OIP5: variants seen among roughly 807,000 people sequenced by gnomAD.
OIP5 encodes protein Mis18-beta.
Under a neutral mutation model 20.3 loss-of-function variants are expected in OIP5, and 24 were observed. The observed-to-expected ratio is 1.18, with a 90% CI of 0.86 to 1.66. The LOEUF is 1.66. OIP5 is among the 40% of genes most tolerant of loss of function. The pLI is 0.00. For missense variants in OIP5, 339 were observed against 289.5 expected (o/e 1.17, Z -1.24); for synonymous variants, 143 against 121.3 (o/e 1.18, Z -1.17).
chr15:41,328,279 A>T (rs1365176694), intron 2 of OIP5, among the ~76,000 whole-genome samples: 1 of 152,154 alleles, frequency 6.6e-6, no homozygotes, highest in Non-Finnish European at 1.5e-5. Context: ...TTGGCCTCCA[A>T]AAGTGTTGGG....
intron 2 of OIP5, among the ~76,000 whole-genome samples, chr15:41,329,063 CAAAAAAAAAAAAAAA>C (rs1166517767): frequency 1.4e-4 from 7 of 50,368 alleles, no homozygotes; most frequent in Admixed American, 6.1e-4. Context: ...GACTCCATCT[CAAAAAAAAAAAAAAA>C]AAAAAAAAAA....
intron 2 of OIP5, among the ~76,000 whole-genome samples, chr15:41,327,603 C>T (rs2047870101): frequency 6.6e-6 from 1 of 151,884 alleles, no homozygotes; most frequent in Admixed American, 6.6e-5. Flanking sequence ...TCCTGGCCAA[C>T]ATGGTGAAAC....
intron 2 of OIP5, among the ~76,000 whole-genome samples, chr15:41,323,233 G>A (rs1388498209): frequency 6.6e-6 from 1 of 152,140 alleles, no homozygotes; most frequent in East Asian, 1.9e-4. Flanking sequence ...GCTCACGCTT[G>A]TAATCCCAGC....
intron 3 of OIP5, among the ~76,000 whole-genome samples, chr15:41,314,310 G>A (rs926784744): frequency 1.2e-4 from 19 of 152,056 alleles, no homozygotes; most frequent in African/African-American, 4.3e-4. Flanking sequence ...CCATGTTGGC[G>A]AGGCTGGTCT....
At position 41,311,975 on chromosome 15, in the gene OIP5, C is replaced by A. The variant is rs113300368; in HGVS notation, c.594+1298G>T. On this transcript the variant is annotated intron_variant, in intron 4 of 4. Coordinates refer to ENST00000220514, the MANE Select transcript of OIP5 (RefSeq NM_007280.2). ...GTTCAAGCGATTCTCCTGCCTCAGCCTCCCGAAAAGCTGGGATTATAGGCA... is the reference window on the plus strand; with the variant it reads ...GTTCAAGCGATTCTCCTGCCTCAGCATCCCGAAAAGCTGGGATTATAGGCA... Among the ~76,000 whole-genome samples the A allele has an allele frequency of 1.4e-5, 2 of 142,518 alleles. 1 individual carries two copies. Among genetic ancestry groups the A allele is most frequent in the African/African-American group, 4.9e-5 (2 of 40,824 alleles). 93.5% of individuals were successfully genotyped at this position (142,518 alleles called of 152,430 possible).
At chr15:41,326,740 A>G (rs915407489) in intron 2 of OIP5, among the ~76,000 whole-genome samples, 4 of 152,088 alleles carry the variant, frequency 2.6e-5, no homozygotes, top group Admixed American at 6.6e-5. Flanking sequence ...GTTTTTAACA[A>G]TCTTACCACA....
intron 3 of OIP5, 29 bp downstream of exon 3, chr15:41,319,629 T>C: frequency 1.3e-6 from 2 of 1,575,702 alleles, no homozygotes; most frequent in Non-Finnish European, 1.7e-6. Flanking sequence ...ATAAAATGTA[T>C]TTGATGATCA....
intron 3 of OIP5, among the ~76,000 whole-genome samples, chr15:41,313,854 G>C (rs2047774006): frequency 6.6e-6 from 1 of 152,078 alleles, no homozygotes. Flanking sequence ...TGGAACCACA[G>C]ATACTGAAGG....
chr15:41,317,968 C>T (rs1205087929), intron 3 of OIP5, among the ~76,000 whole-genome samples: 2 of 151,956 alleles, frequency 1.3e-5, no homozygotes, highest in African/African-American at 4.8e-5. Context: ...CATGACCCAC[C>T]ATGCCTGGCC....
chr15:41,324,677 TG>T (rs1260997602), intron 2 of OIP5, among the ~76,000 whole-genome samples: 1 of 151,992 alleles, frequency 6.6e-6, no homozygotes, highest in Non-Finnish European at 1.5e-5. Context: ...TTAGTAGAGA[TG>T]GGGTTTCACC....
chr15:41,320,256 G>A (rs146468495), intron 2 of OIP5, among the ~76,000 whole-genome samples: 92 of 151,944 alleles, frequency 6.1e-4, no homozygotes, highest in East Asian at 4.1e-3. Flanking sequence ...AAAAAAATGC[G>A]CCCTCTCCCT....
At position 41,332,222 on chromosome 15, in the gene OIP5, A is replaced by G; in HGVS notation, c.322+18T>C. The G allele has an allele frequency of 6.5e-7, 1 of 1,529,324 alleles. No individual in the cohort carries two copies. The highest frequency in any genetic ancestry group is 8.8e-7 in the Non-Finnish European group (1 of 1,140,464). The allele number at this position is 1,529,324 out of a possible 1,614,324, so 94.7% of individuals were successfully genotyped here. ...TCGGGCTAGCCTCTGCCTTTCCCGA[A>G]CGCTTCACTGCACTCACTGGAGAAG... On this transcript the variant is annotated intron_variant, in intron 1 of 4. Transcript: ENST00000220514.
At chr15:41,318,985 G>A (rs1054285605) in intron 3 of OIP5, among the ~76,000 whole-genome samples, 38 of 151,898 alleles carry the variant, frequency 2.5e-4, no homozygotes, top group African/African-American at 8.4e-4. Context: ...TTACAGGCGC[G>A]AGCCATCACA....
intron 2 of OIP5, among the ~76,000 whole-genome samples, chr15:41,324,831 A>G (rs772191912): frequency 3.9e-5 from 6 of 152,112 alleles, no homozygotes; most frequent in South Asian, 2.1e-4. Context: ...ATGACTTCAC[A>G]TGCCTTCCTC....
rs550430941 is a variant in OIP5, at chr15:41,321,740, GTCAT to G, written c.390-1964_390-1961del. 4.3e-3 allele frequency among the ~76,000 whole-genome samples: 655 copies of G among 151,674 alleles called. 2 individuals are homozygous for G. The highest frequency in any genetic ancestry group is 6.3e-3 in the Non-Finnish European group (428 of 67,886). On this transcript the variant is annotated intron_variant, in intron 2 of 4. Coordinates refer to ENST00000220514, the MANE Select transcript of OIP5 (RefSeq NM_007280.2). ...CTTGAAGGCAGCATGCTCCTTAAGA[GTCAT>G]CACCACTCCCTAATCTCAAGTACCC...
chr15:41,325,787 T>G (rs1260014720), intron 2 of OIP5, among the ~76,000 whole-genome samples: 2 of 144,672 alleles, frequency 1.4e-5, no homozygotes, highest in African/African-American at 5.2e-5. Flanking sequence ...GATGTGGAGG[T>G]TGCAGTGAGC....
chr15:41,323,889 C>G (rs764413192), intron 2 of OIP5, among the ~76,000 whole-genome samples: 2 of 151,194 alleles, frequency 1.3e-5, no homozygotes, highest in South Asian at 2.1e-4. Context: ...TACCCACTTT[C>G]ATTTTCTGTA....
At chr15:41,310,475 A>C (rs1306782101) in intron 4 of OIP5, among the ~76,000 whole-genome samples, 1 of 151,926 alleles carries the variant, frequency 6.6e-6, no homozygotes, top group African/African-American at 2.4e-5. Context: ...AAATACAAAA[A>C]CAAAATTAGC....
At chr15:41,325,401 G>A (rs752096981) in intron 2 of OIP5, among the ~76,000 whole-genome samples, 99 of 151,908 alleles carry the variant, frequency 6.5e-4, no homozygotes, top group Admixed American at 2.0e-3. Context: ...GCGAGCCTCC[G>A]TCTCAAAATA....
Sources: gnomAD v4.1 joint callset for allele counts (sites outside exome capture counted in the v4.1 genomes callset) on GRCh38, gnomAD v4.1.1 for gene constraint, MANE v1.5 for transcripts, NCBI Gene and HGNC (gene_info 2026-07-23, HGNC 2026-07-21) for gene names.